ULK4: variants seen among roughly 807,000 people sequenced by gnomAD.
ULK4 encodes unc-51 like kinase 4.
Under a neutral mutation model 160.6 loss-of-function variants are expected in ULK4, and 133 were observed. That is an observed-to-expected ratio of 0.83 (90% CI 0.72 to 0.96). The LOEUF is 0.96. Among genes scored for constraint, ULK4 ranks in the 40% least tolerant of loss-of-function variants. ULK4 has a pLI of 0.00. For synonymous variants in ULK4, 534 were observed against 539.8 expected (o/e 0.99, Z 0.15); for missense variants, 1,580 against 1,499.5 (o/e 1.05, Z -0.89).
chr3:41,830,207 T>C (rs528379455), intron 18 of ULK4, among the ~76,000 whole-genome samples: 95 of 151,480 alleles, frequency 6.3e-4, no homozygotes, highest in African/African-American at 2.2e-3. Context: ...AATGACGAGT[T>C]AACGGGTGCA....
chr3:41,257,719 T>G (rs1034064618), intron 35 of ULK4, among the ~76,000 whole-genome samples: 40 of 152,050 alleles, frequency 2.6e-4, no homozygotes, highest in African/African-American at 9.4e-4. Context: ...ATTGAAAACT[T>G]ATGTCCACAC....
intron 31 of ULK4, among the ~76,000 whole-genome samples, chr3:41,579,202 T>C (rs1406470090): frequency 6.6e-6 from 1 of 152,196 alleles, no homozygotes; most frequent in African/African-American, 2.4e-5. Flanking sequence ...TAAATGAGCT[T>C]CAGCTTTAAG....
At chr3:41,700,550 G>A (rs1015403613) in intron 27 of ULK4, among the ~76,000 whole-genome samples, 1 of 152,164 alleles carries the variant, frequency 6.6e-6, no homozygotes, top group African/African-American at 2.4e-5. Flanking sequence ...CTGATCTGAG[G>A]TACTGTCCCA....
chr3:41,253,579 TAAAAG>T lies in ULK4; in HGVS notation c.3679-4010_3679-4006del, dbSNP rs556313057. Among the ~76,000 whole-genome samples the T allele has an allele frequency of 8.1e-4, 123 of 151,668 alleles. 1 individual carries two copies. Among genetic ancestry groups the T allele is most frequent in the African/African-American group, 2.9e-3 (119 of 41,446 alleles). On this transcript the variant is annotated intron_variant, in intron 35 of 36. Coordinates refer to ENST00000301831, the MANE Select transcript of ULK4 (RefSeq NM_017886.4). ...TAATATTAAAAATGTTCAAATAGCT[TAAAAG>T]AAAGCCGGAAAAGGAAAAGTGAGGA...
chr3:41,742,206 A>G (rs1007273803), intron 22 of ULK4, among the ~76,000 whole-genome samples: 6 of 152,038 alleles, frequency 3.9e-5, no homozygotes, highest in Admixed American at 3.9e-4. Context: ...ACTGAGAAGT[A>G]CAGGCAAAGC....
chr3:41,547,836 T>A (rs924723678), intron 32 of ULK4, among the ~76,000 whole-genome samples: 3 of 152,142 alleles, frequency 2.0e-5, no homozygotes, highest in Non-Finnish European at 2.9e-5. Flanking sequence ...ATCTAGCCCA[T>A]GCGGTGTCCT....
intron 30 of ULK4, among the ~76,000 whole-genome samples, chr3:41,652,108 A>G (rs893705278): frequency 1.3e-5 from 2 of 152,246 alleles, no homozygotes; most frequent in African/African-American, 2.4e-5. Flanking sequence ...ACTGAGCCTC[A>G]TAAGATATGG....
intron 32 of ULK4, among the ~76,000 whole-genome samples, chr3:41,555,988 G>A (rs751520862): frequency 6.6e-6 from 1 of 152,104 alleles, no homozygotes; most frequent in Non-Finnish European, 1.5e-5. Context: ...AGAATACTTG[G>A]ACACATAGAA....
intron 32 of ULK4, among the ~76,000 whole-genome samples, chr3:41,545,998 T>C (rs2086848461): frequency 6.6e-6 from 1 of 152,328 alleles, no homozygotes; most frequent in Admixed American, 6.5e-5. Flanking sequence ...TCTTCACTTA[T>C]AATCTTTACT....
chr3:41,923,080 A>C (rs2148815561), intron 5 of ULK4, among the ~76,000 whole-genome samples: 1 of 151,932 alleles, frequency 6.6e-6, no homozygotes, highest in Non-Finnish European at 1.5e-5. Context: ...AGGCAGGAGA[A>C]TTGTTTGAAC....
At chr3:41,510,089 C>A (rs1483204783) in intron 32 of ULK4, among the ~76,000 whole-genome samples, 1 of 152,104 alleles carries the variant, frequency 6.6e-6, no homozygotes, top group Non-Finnish European at 1.5e-5. Flanking sequence ...AGGAGAGTCA[C>A]CTAACACATA....
rs1359877821 is a variant in ULK4 at position 41,772,823 on chromosome 3, A to C, written c.2193+16838T>G. ...GAACACTGATGCAAAAATCCTCAATAAAATACTGACAAACCAAATCCAGCA... is the reference window on the plus strand; with the variant it reads ...GAACACTGATGCAAAAATCCTCAATCAAATACTGACAAACCAAATCCAGCA... On this transcript the variant is annotated intron_variant, in intron 21 of 36. Coordinates refer to ENST00000301831, the MANE Select transcript of ULK4 (RefSeq NM_017886.4). 3.9e-5 allele frequency among the ~76,000 whole-genome samples: 6 copies of C among 152,214 alleles called. 1 individual carries two copies. In the South Asian group the frequency reaches 1.2e-3, roughly 32 times the overall value.
At chr3:41,489,891 T>C (rs1253480556) in intron 32 of ULK4, among the ~76,000 whole-genome samples, 1 of 152,146 alleles carries the variant, frequency 6.6e-6, no homozygotes, top group Non-Finnish European at 1.5e-5. Context: ...TAGTCTCACA[T>C]AGGAATCTTT....
chr3:41,689,789 C>T (rs1345720005), intron 27 of ULK4, among the ~76,000 whole-genome samples: 2 of 151,866 alleles, frequency 1.3e-5, no homozygotes, highest in Admixed American at 6.6e-5. Context: ...AGTCAGGAAA[C>T]AACAGGTGCT....
chr3:41,398,324 A>C, intron 34 of ULK4, 60 bp from the exon 35 acceptor site: 1 of 1,560,996 alleles, frequency 6.4e-7, no homozygotes, highest in East Asian at 2.3e-5. Flanking sequence ...GTACTCAAAA[A>C]AAACACAGTA....
chr3:41,493,848 C>T (rs999222016), intron 32 of ULK4, among the ~76,000 whole-genome samples: 10 of 132,122 alleles, frequency 7.6e-5, no homozygotes, highest in South Asian at 2.4e-4. Flanking sequence ...ATAAATTCCT[C>T]GACACATACA....
chr3:41,953,263 TAC>T (rs1226458301), intron 2 of ULK4, among the ~76,000 whole-genome samples: 1 of 104,362 alleles, frequency 9.6e-6, no homozygotes, highest in Non-Finnish European at 2.0e-5. Flanking sequence ...TACATATATA[TAC>T]ACATATATAC....
At chr3:41,301,199 G>C (rs1446162076) in intron 35 of ULK4, among the ~76,000 whole-genome samples, 1 of 151,948 alleles carries the variant, frequency 6.6e-6, no homozygotes, top group Non-Finnish European at 1.5e-5. Flanking sequence ...CAGCGAGATG[G>C]GGAAAAATCA....
chr3:41,623,407 A>C (rs963643965), intron 30 of ULK4, among the ~76,000 whole-genome samples: 1 of 152,200 alleles, frequency 6.6e-6, no homozygotes, highest in Non-Finnish European at 1.5e-5. Context: ...AGCAAAAAAA[A>C]ATGTGATTAC....
Sources: gnomAD v4.1 joint callset for allele counts (sites outside exome capture counted in the v4.1 genomes callset) on GRCh38, gnomAD v4.1.1 for gene constraint, MANE v1.5 for transcripts, NCBI Gene and HGNC (gene_info 2026-07-23, HGNC 2026-07-21) for gene names.